CELF4: variants seen among roughly 807,000 people sequenced by gnomAD.
The protein encoded by CELF4 is CUGBP Elav-like family member 4.
CELF4 carries 18 observed loss-of-function variants against 59.9 expected under a neutral mutation model. The ratio of observed to expected loss-of-function variants is 0.30; its 90% CI spans 0.21 to 0.45. The LOEUF (loss-of-function observed/expected upper bound fraction) is 0.45. Among genes scored for constraint, CELF4 ranks in the 20% least tolerant of loss-of-function variants. The probability of loss-of-function intolerance (pLI) is 1.00; values close to 1 mark genes in which losing one functional copy is unlikely to be tolerated. For synonymous variants in CELF4, 261 were observed against 267.1 expected (o/e 0.98, Z 0.22); for missense variants, 456 against 689.0 (o/e 0.66, Z 3.79).
intron 2 of CELF4, among the ~76,000 whole-genome samples, chr18:37,386,369 C>T (rs1220559895): frequency 6.6e-6 from 1 of 152,110 alleles, no homozygotes; most frequent in Non-Finnish European, 1.5e-5. Flanking sequence ...TGGTGGCTTA[C>T]AGTGGTAGGA....
At chr18:37,348,976 A>T (rs2098372934) in intron 2 of CELF4, among the ~76,000 whole-genome samples, 1 of 151,984 alleles carries the variant, frequency 6.6e-6, no homozygotes, top group African/African-American at 2.4e-5. Flanking sequence ...GGCTGATCAA[A>T]CTGGCCCCTG....
intron 2 of CELF4, among the ~76,000 whole-genome samples, chr18:37,424,598 C>G (rs2099600332): frequency 6.6e-6 from 1 of 152,156 alleles, no homozygotes; most frequent in Non-Finnish European, 1.5e-5. Flanking sequence ...TGGGTTTGTG[C>G]AGTTATGCTG....
chr18:37,407,799 C>T (rs1470286828), intron 2 of CELF4, among the ~76,000 whole-genome samples: 2 of 152,106 alleles, frequency 1.3e-5, no homozygotes, highest in Non-Finnish European at 2.9e-5. Flanking sequence ...CAACACTGCA[C>T]ATGCCATATT....
intron 2 of CELF4, among the ~76,000 whole-genome samples, chr18:37,458,700 G>A (rs1371771042): frequency 2.6e-5 from 4 of 152,158 alleles, no homozygotes; most frequent in Non-Finnish European, 4.4e-5. Context: ...GTTGTTTGCA[G>A]AACCGGGCAT....
chr18:37,319,996 G>C (rs649823), intron 3 of CELF4, among the ~76,000 whole-genome samples: 78,552 of 152,112 alleles, frequency 0.52, 20,808 homozygotes, highest in East Asian at 0.75. Context: ...GGTAGGCTGG[G>C]GCCACCTTGG....
chr18:37,491,245 C>T (rs967296418), intron 1 of CELF4, among the ~76,000 whole-genome samples: 1 of 151,394 alleles, frequency 6.6e-6, no homozygotes, highest in African/African-American at 2.4e-5. Context: ...GAGAGGACGC[C>T]GTGCCCACCT....
chr18:37,271,707 G>A (rs2091379796), intron 7 of CELF4, among the ~76,000 whole-genome samples: 1 of 152,200 alleles, frequency 6.6e-6, no homozygotes, highest in Admixed American at 6.5e-5. Flanking sequence ...CTCTCGTACT[G>A]AGGCAGAGAG....
chr18:37,495,272 G>A (rs563786546), intron 1 of CELF4, among the ~76,000 whole-genome samples: 7 of 152,208 alleles, frequency 4.6e-5, no homozygotes, highest in South Asian at 2.1e-4. Context: ...CAAAACCATC[G>A]CTAAATTACG....
intron 2 of CELF4, among the ~76,000 whole-genome samples, chr18:37,348,620 TG>T (rs2098354778): frequency 6.6e-6 from 1 of 151,936 alleles, no homozygotes; most frequent in Admixed American, 6.6e-5. Flanking sequence ...GGTGGGACGG[TG>T]GGGGGATGGG....
At chr18:37,501,531 C>T (rs2099931873) in intron 1 of CELF4, among the ~76,000 whole-genome samples, 1 of 152,202 alleles carries the variant, frequency 6.6e-6, no homozygotes, top group African/African-American at 2.4e-5. Flanking sequence ...GACCACCTGA[C>T]CTCAGGGGCA....
At chr18:37,554,623 C>G (rs192082457) in intron 1 of CELF4, among the ~76,000 whole-genome samples, 54 of 152,282 alleles carry the variant, frequency 3.5e-4, no homozygotes, top group Middle Eastern at 3.4e-3. Context: ...GTTGCCTTGA[C>G]GACTCTGGAA....
At chr18:37,498,158 A>C (rs1456032244) in intron 1 of CELF4, among the ~76,000 whole-genome samples, 1 of 152,166 alleles carries the variant, frequency 6.6e-6, no homozygotes, top group Non-Finnish European at 1.5e-5. Context: ...GACTGAACAG[A>C]GTGGGTTTGG....
intron 1 of CELF4, among the ~76,000 whole-genome samples, chr18:37,552,544 T>C (rs1315529137): frequency 2.0e-5 from 3 of 152,232 alleles, no homozygotes; most frequent in Non-Finnish European, 4.4e-5. Context: ...GCAGGGATGC[T>C]CTCCTCCTGG....
chr18:37,440,904 C>G (rs1013664360), intron 2 of CELF4, among the ~76,000 whole-genome samples: 1 of 152,170 alleles, frequency 6.6e-6, no homozygotes, highest in African/African-American at 2.4e-5. Flanking sequence ...TAACAATTCT[C>G]CCCTGATCTC....
intron 2 of CELF4, among the ~76,000 whole-genome samples, chr18:37,431,856 C>T (rs1235882036): frequency 2.6e-5 from 4 of 152,246 alleles, no homozygotes; most frequent in Admixed American, 2.0e-4. Context: ...CATGCCCAAT[C>T]TACAGATAAG....
chr18:37,289,837 T>C (rs2095201084), intron 3 of CELF4, among the ~76,000 whole-genome samples: 1 of 152,188 alleles, frequency 6.6e-6, no homozygotes, highest in East Asian at 1.9e-4. Flanking sequence ...TTGTGTGACA[T>C]GGAGTATTAC....
chr18:37,533,172 C>T (rs189367198), intron 1 of CELF4, among the ~76,000 whole-genome samples: 5 of 152,362 alleles, frequency 3.3e-5, no homozygotes, highest in East Asian at 3.9e-4. Context: ...TGCTTACGCA[C>T]GAATGTCTCC....
intron 2 of CELF4, among the ~76,000 whole-genome samples, chr18:37,430,166 G>A (rs1032998199): frequency 6.6e-6 from 1 of 152,092 alleles, no homozygotes; most frequent in Admixed American, 6.5e-5. Context: ...CTGACTTTGT[G>A]GGCAGGAACC....
chr18:37,427,148 C>T (rs767161127), intron 2 of CELF4, among the ~76,000 whole-genome samples: 6 of 152,124 alleles, frequency 3.9e-5, no homozygotes, highest in Non-Finnish European at 7.4e-5. Context: ...AAGGCTTCTC[C>T]TCTCATCAGC....
Sources: gnomAD v4.1 joint callset for allele counts (sites outside exome capture counted in the v4.1 genomes callset) on GRCh38, gnomAD v4.1.1 for gene constraint, MANE v1.5 for transcripts, NCBI Gene and HGNC (gene_info 2026-07-23, HGNC 2026-07-21) for gene names.